ECEL1: variants seen among roughly 807,000 people sequenced by gnomAD.
ECEL1 encodes the protein endothelin converting enzyme like 1.
A neutral mutation model predicts 101.8 loss-of-function variants in ECEL1; 87 were observed. The observed-to-expected ratio is 0.85, with a 90% CI of 0.72 to 1.02. ECEL1 has a LOEUF of 1.02. Ranked by LOEUF, ECEL1 falls within the 50% of genes least tolerant of loss-of-function variation. ECEL1 has a pLI of 0.00. For missense variants in ECEL1, 1,032 were observed against 1,079.2 expected, an observed-to-expected ratio of 0.96 and a Z score of 0.61; for synonymous variants, 487 against 468.7, an observed-to-expected ratio of 1.04 and a Z score of -0.50.
intron 8 of ECEL1, 54 bp from the exon 9 acceptor site, chr2:232,483,233 GC>G: frequency 3.2e-6 from 5 of 1,565,396 alleles, no homozygotes; most frequent in Non-Finnish European, 2.6e-6. Flanking sequence ...ACAGCCCCCC[GC>G]CCCCCACCCT....
In ECEL1 at chr2:232,484,167, G is replaced by A; in HGVS notation, c.1241C>T (p.Ser414Phe). The A allele has an allele frequency of 1.9e-6, 3 of 1,613,560 alleles. No individual in the cohort carries two copies. The highest frequency in any genetic ancestry group is 2.5e-6 in the Non-Finnish European group (3 of 1,180,004). ...GTGCAGTGCCTCACGGAATGGCGGG[G>A]ACAGGTGTTCACTCAGGACCACCAC... Reference protein sequence around the residue: ...RVVVVLSEHLSPPFREALHEL... With the variant: ...RVVVVLSEHLFPPFREALHEL... The change falls in exon 7 of 18, where the codon TCC (serine) becomes TTC (phenylalanine). Residue 414 changes from serine to phenylalanine, a missense_variant. Physicochemically the swap from Ser to Phe is radical, Grantham distance 155. Coordinates refer to ENST00000304546, the MANE Select transcript of ECEL1 (RefSeq NM_004826.4).
At chr2:232,481,045 C>T in intron 15 of ECEL1, 46 bp downstream of exon 15, 1 of 1,548,358 alleles carries the variant, frequency 6.5e-7, no homozygotes, top group Non-Finnish European at 8.7e-7. Flanking sequence ...CCTCATCAGC[C>T]CCCGTCCCTC....
intron 17 of ECEL1, 52 bp downstream of exon 17, chr2:232,480,347 T>G: frequency 1.2e-6 from 2 of 1,611,826 alleles, no homozygotes; most frequent in Non-Finnish European, 1.7e-6. Flanking sequence ...TGCCCCCTGA[T>G]CCCACCCCAA....
chr2:232,486,331 G>C lies in ECEL1; in HGVS notation c.323C>G (p.Ala108Gly), dbSNP rs777534219. The change falls in exon 2 of 18, where the codon GCC (alanine) becomes GGC (glycine). Residue 108 changes from alanine to glycine, a missense_variant. Transcript: ENST00000304546. Reference protein sequence around the residue: ...GCPERKAFARAARFLAANLDA... With the variant: ...GCPERKAFARGARFLAANLDA... ...CAGGTTGGCGGCCAGGAAGCGAGCG[G>C]CGCGCGCGAAGGCCTTGCGCTCAGG... is the stretch of plus-strand genomic sequence containing the variant. 5 of 1,566,008 alleles carry C rather than the reference G, an allele frequency of 3.2e-6. No homozygotes were observed. Among genetic ancestry groups the C allele is most frequent in the Non-Finnish European group, 4.3e-6 (5 of 1,164,244 alleles).
intron 12 of ECEL1, 129 bp from the exon 13 acceptor site, chr2:232,481,978 C>G: frequency 8.2e-7 from 1 of 1,216,282 alleles, no homozygotes. Context: ...GGCATCCGTG[C>G]GGTCCAGGGG....
At chr2:232,483,230 C>A in intron 8 of ECEL1, 51 bp from the exon 9 acceptor site, 1 of 1,565,794 alleles carries the variant, frequency 6.4e-7, no homozygotes, top group South Asian at 1.2e-5. Context: ...GAGACAGCCC[C>A]CCGCCCCCCA....
intron 6 of ECEL1, 53 bp from the exon 7 acceptor site, chr2:232,484,276 C>T (rs1690663167): frequency 6.3e-7 from 1 of 1,584,146 alleles, no homozygotes; most frequent in Non-Finnish European, 8.6e-7. Context: ...ATGTGGGCCA[C>T]CAAGGGCACC....
intron 5 of ECEL1, 47 bp from the exon 6 acceptor site, chr2:232,484,643 C>G: frequency 6.2e-7 from 1 of 1,609,602 alleles, no homozygotes; most frequent in Non-Finnish European, 8.5e-7. Context: ...TGGCAGGGGC[C>G]ACAGAAGACA....
intron 5 of ECEL1, 98 bp from the exon 6 acceptor site, chr2:232,484,694 C>T: frequency 6.2e-7 from 1 of 1,602,572 alleles, no homozygotes; most frequent in Non-Finnish European, 8.5e-7. Context: ...CATGAGAGTC[C>T]ATGGCCAAGG....
chr2:232,484,303 G>A (rs549191219), intron 6 of ECEL1, 80 bp from the exon 7 acceptor site: 30 of 1,564,902 alleles, frequency 1.9e-5, no homozygotes, highest in South Asian at 1.1e-4. Context: ...ACCTGTGCCC[G>A]CCAACCTGTG....
chr2:232,483,642 G>A (rs563522073), intron 7 of ECEL1, 128 bp from the exon 8 acceptor site: 3 of 772,274 alleles, frequency 3.9e-6, no homozygotes, highest in South Asian at 3.9e-5. Context: ...ACACCAAGAG[G>A]ATACTTTGGA....
rs199696717 is a variant in ECEL1 at position 232,480,452 on chromosome 2, C to A, written c.2175G>T (p.Ser725=). The change falls in exon 17 of 18, where the codon TCG becomes TCT. Residue 725 remains serine, a synonymous_variant. Coordinates refer to ENST00000304546, the MANE Select transcript of ECEL1 (RefSeq NM_004826.4). ...FAQNWCIKRR[S]QSIYLQVLTD... is the part of the protein sequence containing the mutation. ...TCAGCACCTGCAGGTAGATGGACTG[C>A]GACCGCCGCTTGATGCACCAGTTCT... 3 of 1,613,864 alleles carry A rather than the reference C, an allele frequency of 1.9e-6. No homozygotes were observed. Among genetic ancestry groups the A allele is most frequent in the Non-Finnish European group, 2.5e-6 (3 of 1,179,962 alleles).
At chr2:232,484,737 C>G in intron 5 of ECEL1, 64 bp downstream of exon 5, 1 of 1,608,826 alleles carries the variant, frequency 6.2e-7, no homozygotes, top group Non-Finnish European at 8.5e-7. Context: ...AGAGATGACC[C>G]TGTAGTCCCA....
Position 232,486,704 on chromosome 2 carries a change from C to T in ECEL1, c.-51G>A. 1.4e-6 allele frequency: 2 copies of T among 1,410,940 alleles called. No homozygotes were observed. Among genetic ancestry groups the T allele is most frequent in the Middle Eastern group, 2.7e-4 (1 of 3,732 alleles). The allele number at this position is 1,410,940 out of a possible 1,614,324, so 87.4% of individuals were successfully genotyped here. On this transcript the variant is annotated 5_prime_UTR_variant, in exon 2 of 18. Transcript: ENST00000304546. Reference sequence around the variant, plus strand: ...CCTGGGCCACCTGGGCTACGGGATGCGCGTGGCCGCCGGCCTCCTCGTGGG... The same window carrying T: ...CCTGGGCCACCTGGGCTACGGGATGTGCGTGGCCGCCGGCCTCCTCGTGGG...
Position 232,481,125 on chromosome 2 carries a change from A to T in ECEL1, c.2021T>A (p.Ile674Asn). The T allele has an allele frequency of 6.4e-6, 10 of 1,569,392 alleles. No individual in the cohort carries two copies. Among genetic ancestry groups the T allele is most frequent in the Non-Finnish European group, 7.8e-6 (9 of 1,157,010 alleles). The change falls in exon 15 of 18, where the codon ATC (isoleucine) becomes AAC (asparagine). Residue 674 changes from isoleucine (I) to asparagine (N), a missense_variant. By Grantham distance (149) the Ile-to-Asn change is moderately radical. Transcript: ENST00000304546. ...CAGCTTGAGGCCGCCCATATCTGCG[A>T]TGTTCTCCCCAAGCGTGTGTTTCCC... ...VNGKHTLGEN[I>N]ADMGGLKLAY...
Position 232,485,109 on chromosome 2 carries a change from G to A in ECEL1, c.856-18C>T, listed in dbSNP as rs746432185. The A allele has an allele frequency of 6.2e-6, 10 of 1,611,186 alleles. 1 individual carries two copies. The South Asian group carries it at 1.1e-4, about 18-fold the overall frequency. On this transcript the variant is annotated intron_variant, in intron 3 of 17. Coordinates refer to ENST00000304546, the MANE Select transcript of ECEL1 (RefSeq NM_004826.4). ...GCCAGGATCTGCACCAGGGGAGGGGGCTCACCCAGGGACAGGGACAGGCCT... is the reference window on the plus strand; with the variant it reads ...GCCAGGATCTGCACCAGGGGAGGGGACTCACCCAGGGACAGGGACAGGCCT...
rs1476342096 is a variant in ECEL1, at chr2:232,482,281, T to C, written c.1796+137A>G. The C allele has an allele frequency of 4.5e-6, 5 of 1,117,874 alleles. No homozygotes were observed. The African/African-American group carries it at 7.6e-5, about 17-fold the overall frequency. 69.2% of individuals were successfully genotyped at this position (1,117,874 alleles called of 1,614,324 possible). A position where few individuals can be genotyped will look rare whatever the true frequency, so the allele number is the denominator to read the frequency against. ...CCAAGGATGTAGTGGGGAGCCAGGG[T>C]CCACAGCTGTCCTGACTCCTGAACC... On this transcript the variant is annotated intron_variant, in intron 12 of 17. Coordinates refer to ENST00000304546, the MANE Select transcript of ECEL1 (RefSeq NM_004826.4).
chr2:232,481,641 T>C lies in ECEL1; in HGVS notation c.1865-11A>G, dbSNP rs748529947. On this transcript the variant is annotated splice_polypyrimidine_tract_variant and intron_variant, in intron 13 of 17. Transcript: ENST00000304546. ...GGTCATACTGGCCCCCTGTGGGCAG[T>C]GCAGCAGGCTGAGACCCACCCTCAC... The C allele has an allele frequency of 5.6e-6, 9 of 1,613,066 alleles. No homozygotes were observed. The highest frequency in any genetic ancestry group is 7.6e-6 in the Non-Finnish European group (9 of 1,179,638).
rs563275145 is a variant in ECEL1, at chr2:232,480,401, G to A, written c.2226C>T (p.Tyr742=). 9.0e-5 allele frequency: 146 copies of A among 1,614,020 alleles called. No homozygotes were observed. The South Asian group carries it at 1.6e-3, about 17-fold the overall frequency. ...GCCAGGCGGGCAGGTGGGCATACCT[G>A]TAGTGCTCAGGGGCATGCTTGTCAG... ...VLTDKHAPEH[Y]RVLGSVSQFE... Residue 742 remains tyrosine (Y), a splice_region_variant and synonymous_variant, in exon 17 of 18, where the codon TAC becomes TAT. Coordinates refer to ENST00000304546, the MANE Select transcript of ECEL1 (RefSeq NM_004826.4).
Sources: gnomAD v4.1 joint callset for allele counts on GRCh38, gnomAD v4.1.1 for gene constraint, MANE v1.5 for transcripts, NCBI Gene and HGNC (gene_info 2026-07-23, HGNC 2026-07-21) for gene names.